Variants in FOXP2 observed in about 807,000 individuals in gnomAD.
FOXP2 encodes forkhead box protein P2.
Under a neutral mutation model 115.8 loss-of-function variants are expected in FOXP2, and 12 were observed. That is an observed-to-expected ratio of 0.10 (90% CI 0.07 to 0.17). FOXP2 has a LOEUF of 0.17. FOXP2 is among the 10% of genes least tolerant of loss of function. FOXP2 has a pLI of 1.00. For missense variants in FOXP2, 629 were observed against 843.5 expected (o/e 0.75, Z 3.15); for synonymous variants, 328 against 297.7 (o/e 1.10, Z -1.05).
intron 3 of FOXP2, among the ~76,000 whole-genome samples, chr7:114,547,398 C>T (rs144184082): frequency 3.7e-4 from 57 of 152,190 alleles, no homozygotes; most frequent in African/African-American, 1.4e-3. Context: ...AATGCCACTA[C>T]GTATCAATGA....
In FOXP2 at chr7:114,119,441, G is replaced by T. The variant is rs537538495; in HGVS notation, c.-247+31603G>T. Among the ~76,000 whole-genome samples the T allele has an allele frequency of 1.2e-4, 19 of 152,190 alleles. 1 individual carries two copies. The highest frequency in any genetic ancestry group is 5.9e-4 in the Admixed American group (9 of 15,268). On this transcript the variant is annotated intron_variant, in intron 1 of 19. Transcript: ENST00000635638. ...TTTCCAGGATTGTAGTCTTATTGTA[G>T]TTACAATTCATATTTGTGGCCAGGT...
chr7:114,521,330 T>C (rs1175373495), intron 2 of FOXP2, among the ~76,000 whole-genome samples: 1 of 151,946 alleles, frequency 6.6e-6, no homozygotes, highest in Non-Finnish European at 1.5e-5. Context: ...TCTAGACCCA[T>C]GCTTAAAAGG....
intron 3 of FOXP2, among the ~76,000 whole-genome samples, chr7:114,565,433 C>A (rs1331900284): frequency 6.6e-6 from 1 of 152,064 alleles, no homozygotes; most frequent in East Asian, 1.9e-4. Context: ...AAAGTATGAT[C>A]ATAGACCTTC....
intron 4 of FOXP2, among the ~76,000 whole-genome samples, chr7:114,629,391 AT>A (rs1008110458): frequency 2.6e-5 from 4 of 152,170 alleles, no homozygotes; most frequent in Non-Finnish European, 5.9e-5. Flanking sequence ...TAAATCTGAC[AT>A]TGTTCTGAAC....
intron 3 of FOXP2, among the ~76,000 whole-genome samples, chr7:114,579,211 A>G (rs1426977771): frequency 6.6e-6 from 1 of 152,180 alleles, no homozygotes; most frequent in Admixed American, 6.6e-5. Flanking sequence ...AGAAAAGGAG[A>G]TAAGACAATA....
At chr7:114,471,267 G>C (rs989853586) in intron 2 of FOXP2, among the ~76,000 whole-genome samples, 1 of 152,100 alleles carries the variant, frequency 6.6e-6, no homozygotes, top group African/African-American at 2.4e-5. Flanking sequence ...TGACTTAGTT[G>C]TGGACTATCT....
chr7:114,690,401 G>C lies in FOXP2; in HGVS notation c.*475G>C, dbSNP rs1416780455. 8.8e-6 allele frequency: 4 copies of C among 453,832 alleles called. No homozygotes were observed. The highest frequency in any genetic ancestry group is 1.8e-5 in the Non-Finnish European group (4 of 226,742). 28.1% of individuals were successfully genotyped at this position (453,832 alleles called of 1,614,324 possible). On this transcript the variant is annotated 3_prime_UTR_variant, in exon 17 of 17. Transcript: ENST00000350908. ...TGGTCAAGTTCAACTTGTTGCTATT[G>C]TTTTTAATTTGCACAGGAGTAGTAT...
chr7:114,393,612 A>G (rs1792663970), intron 2 of FOXP2, among the ~76,000 whole-genome samples: 1 of 151,960 alleles, frequency 6.6e-6, no homozygotes, highest in African/African-American at 2.4e-5. Context: ...GTAAGGACAT[A>G]TCTCCAGAAG....
At chr7:114,407,360 T>C (rs1793059804) in intron 2 of FOXP2, among the ~76,000 whole-genome samples, 1 of 151,516 alleles carries the variant, frequency 6.6e-6, no homozygotes, top group African/African-American at 2.4e-5. Context: ...GCATAGAAAA[T>C]AGCAACGCAT....
intron 16 of FOXP2, among the ~76,000 whole-genome samples, chr7:114,687,798 C>G (rs1040867852): frequency 6.6e-6 from 1 of 152,084 alleles, no homozygotes; most frequent in Non-Finnish European, 1.5e-5. Flanking sequence ...ATTTACATCC[C>G]TAGGTAATCA....
chr7:114,222,847 G>A (rs1304752032), intron 1 of FOXP2, among the ~76,000 whole-genome samples: 2 of 152,158 alleles, frequency 1.3e-5, no homozygotes, highest in Non-Finnish European at 2.9e-5. Context: ...ATGAGATAAT[G>A]TAATCTTTTT....
At chr7:114,176,239 T>TCC (rs1393347303) in intron 1 of FOXP2, among the ~76,000 whole-genome samples, 52 of 151,214 alleles carry the variant, frequency 3.4e-4, no homozygotes, top group African/African-American at 1.1e-3. Context: ...GTCTTTTCTT[T>TCC]CTTTCTTTCT....
chr7:114,371,247 A>ATTTT (rs34625695), intron 2 of FOXP2, among the ~76,000 whole-genome samples: 12 of 141,078 alleles, frequency 8.5e-5, no homozygotes, highest in East Asian at 2.1e-4. Flanking sequence ...TGTCCAGCTA[A>ATTTT]TTTTTTTTTT....
chr7:114,456,003 C>T (rs1187590222), intron 2 of FOXP2, among the ~76,000 whole-genome samples: 2 of 152,148 alleles, frequency 1.3e-5, no homozygotes, highest in African/African-American at 4.8e-5. Context: ...ATCTCACTAA[C>T]TTAGTCATCC....
At chr7:114,145,795 A>AT (rs1792355510) in intron 1 of FOXP2, among the ~76,000 whole-genome samples, 1 of 152,126 alleles carries the variant, frequency 6.6e-6, no homozygotes, top group Admixed American at 6.6e-5. Context: ...AAGTGATGAG[A>AT]TTTTCGCAAA....
rs879325457 is a variant in FOXP2 at position 114,534,561 on chromosome 7, A to C, written c.169-56A>C. The C allele has an allele frequency of 5.0e-6, 7 of 1,393,458 alleles. No homozygotes were observed. The African/African-American group carries it at 1.0e-4, about 20-fold the overall frequency. 86.3% of individuals were successfully genotyped at this position (1,393,458 alleles called of 1,614,324 possible). A position where few individuals can be genotyped will look rare whatever the true frequency, so the allele number is the denominator to read the frequency against. On this transcript the variant is annotated intron_variant, in intron 2 of 16. Transcript: ENST00000350908. ...GCCTTTTACTATTAACCAAGAGATA[A>C]TTGATAACTTAACTTTCAACAAAAT...
At chr7:114,411,550 TA>T (rs368289752), upstream of FOXP2, among the ~76,000 whole-genome samples, 607 of 152,272 alleles carry the variant, frequency 4.0e-3, 3 homozygotes, top group South Asian at 0.018. Context: ...TCTGTTTTGT[TA>T]AAATATGTAT....
intron 2 of FOXP2, among the ~76,000 whole-genome samples, chr7:114,486,813 A>C (rs370957376): frequency 6.6e-6 from 1 of 152,174 alleles, no homozygotes; most frequent in Non-Finnish European, 1.5e-5. Flanking sequence ...TCCATGTCTC[A>C]CATCCAGGTC....
At chr7:114,506,604 G>A (rs1048949853) in intron 2 of FOXP2, among the ~76,000 whole-genome samples, 2 of 151,326 alleles carry the variant, frequency 1.3e-5, no homozygotes, top group African/African-American at 2.4e-5. Flanking sequence ...ATCAAAGTAT[G>A]TTTTCCCATT....
Sources: gnomAD v4.1 joint callset for allele counts (sites outside exome capture counted in the v4.1 genomes callset) on GRCh38, gnomAD v4.1.1 for gene constraint, MANE v1.5 for transcripts, NCBI Gene and HGNC (gene_info 2026-07-23, HGNC 2026-07-21) for gene names.